MAST3: variants seen among roughly 807,000 people sequenced by gnomAD.
MAST3 encodes the protein microtubule associated serine/threonine kinase 3.
Under a neutral mutation model 127.0 loss-of-function variants are expected in MAST3, and 43 were observed. That is an observed-to-expected ratio of 0.34 (90% CI 0.27 to 0.44). MAST3 has a LOEUF of 0.44. Among genes scored for constraint, MAST3 ranks in the 20% least tolerant of loss-of-function variants. MAST3 has a pLI of 1.00. For synonymous variants in MAST3, 785 were observed against 809.2 expected, an observed-to-expected ratio of 0.97 and a Z score of 0.51; for missense variants, 1,390 against 1,919.1, an observed-to-expected ratio of 0.72 and a Z score of 5.15.
chr19:18,109,657 G>C (rs1007633163), intron 2 of MAST3, among the ~76,000 whole-genome samples: 1 of 152,160 alleles, frequency 6.6e-6, no homozygotes, highest in Admixed American at 6.5e-5. Flanking sequence ...TGCAGGTACA[G>C]CTTGGCGGAG....
At chr19:18,115,162 T>C (rs2039081045) in intron 3 of MAST3, among the ~76,000 whole-genome samples, 1 of 152,096 alleles carries the variant, frequency 6.6e-6, no homozygotes, top group Non-Finnish European at 1.5e-5. Flanking sequence ...GGGCATGATC[T>C]GGGGAGCAGT....
rs867332129 is a variant in MAST3 at position 18,151,420 on chromosome 19, T to A, written c.*1694T>A. On this transcript the variant is annotated 3_prime_UTR_variant, in exon 28 of 28. Coordinates refer to ENST00000687212, the MANE Select transcript of MAST3 (RefSeq NM_001393504.1). ...AGAACGGAGCATCAGCCAGACCCTG[T>A]TGTGGGCGTTGTCATCAAGGGAGCT... is the stretch of plus-strand genomic sequence containing the variant. 1 of 152,336 alleles carries A rather than the reference T, an allele frequency of 6.6e-6. No homozygotes were observed. Among genetic ancestry groups the A allele is most frequent in the South Asian group, 2.1e-4 (1 of 4,828 alleles). 9.4% of individuals were successfully genotyped at this position (152,336 alleles called of 1,614,324 possible).
chr19:18,097,857 A>G (rs1054931298), intron 1 of MAST3, 26 bp downstream of exon 1: 4 of 1,225,806 alleles, frequency 3.3e-6, no homozygotes, highest in Non-Finnish European at 4.1e-6. Flanking sequence ...GGGCGGGCGG[A>G]AGGCAGAGGG....
chr19:18,149,321 T>C lies in MAST3; in HGVS notation c.3639T>C (p.Thr1213=), dbSNP rs1181783182. 1 of 1,526,784 alleles carries C rather than the reference T, an allele frequency of 6.5e-7. No individual in the cohort carries two copies. The highest frequency in any genetic ancestry group is 8.8e-7 in the Non-Finnish European group (1 of 1,138,820). 94.6% of individuals were successfully genotyped at this position (1,526,784 alleles called of 1,614,324 possible). A position where few individuals can be genotyped will look rare whatever the true frequency, so the allele number is the denominator to read the frequency against. ...AAKLGPPRPK[T]GRRKSTSSIP... ...AGCTTGGGCCACCCCGCCCCAAGAC[T>C]GGCCGCCGCAAGTCCACCAGCAGCA... Residue 1213 remains threonine, a synonymous_variant, in exon 28 of 28, where the codon ACT becomes ACC. Coordinates refer to ENST00000687212, the MANE Select transcript of MAST3 (RefSeq NM_001393504.1). This position sits in a 1 kb window ranked among gnomAD's most constrained non-coding sequence, Gnocchi z 5.9.
intron 1 of MAST3, among the ~76,000 whole-genome samples, chr19:18,100,730 TGTC>T: frequency 6.6e-6 from 1 of 152,300 alleles, no homozygotes; most frequent in Middle Eastern, 3.4e-3. Context: ...GTGAAGGTGT[TGTC>T]TTCATCAGCC....
At chr19:18,128,480 A>AC (rs749657136) in intron 12 of MAST3, 22 bp downstream of exon 12, 142 of 1,550,024 alleles carry the variant, frequency 9.2e-5, no homozygotes, top group Non-Finnish European at 1.2e-4. Context: ...AGGCTGGGGG[A>AC]CCCCCGCTCA....
At chr19:18,107,063 G>T (rs4808114) in intron 1 of MAST3, among the ~76,000 whole-genome samples, 1 of 138,734 alleles carries the variant, frequency 7.2e-6, no homozygotes, top group Non-Finnish European at 1.5e-5. Flanking sequence ...TGATCCATCC[G>T]CCTTGGCCTC....
chr19:18,120,593 A>G (rs770014735), intron 3 of MAST3, among the ~76,000 whole-genome samples: 5 of 152,212 alleles, frequency 3.3e-5, no homozygotes, highest in Non-Finnish European at 5.9e-5. Flanking sequence ...CTGGAATGCA[A>G]TGGCACTATC....
intron 3 of MAST3, among the ~76,000 whole-genome samples, chr19:18,118,735 C>G (rs1307267254): frequency 6.6e-6 from 1 of 152,194 alleles, no homozygotes; most frequent in Non-Finnish European, 1.5e-5. Flanking sequence ...TCAGTTTCCC[C>G]TTTTGAAAAG....
rs11086092 is a variant in MAST3 at position 18,144,783 on chromosome 19, A to G, written c.2812+90A>G. On this transcript the variant is annotated intron_variant, in intron 23 of 27. Coordinates refer to ENST00000687212, the MANE Select transcript of MAST3 (RefSeq NM_001393504.1). This position sits in a 1 kb window ranked among gnomAD's most constrained non-coding sequence, Gnocchi z 4.0. ...CCTTCCTGAGTTGGGGAGGCTGGGGATGAGCCCCAGAAGAGGGGAGGAGGA... is the reference window on the plus strand; with the variant it reads ...CCTTCCTGAGTTGGGGAGGCTGGGGGTGAGCCCCAGAAGAGGGGAGGAGGA... 184,652 of 1,395,838 alleles carry G rather than the reference A, an allele frequency of 0.13. 12,958 individuals are homozygous for G. Among genetic ancestry groups the G allele is most frequent in the Admixed American group, 0.15 (8,685 of 56,486 alleles). 86.5% of individuals were successfully genotyped at this position (1,395,838 alleles called of 1,614,324 possible). A position where few individuals can be genotyped will look rare whatever the true frequency, so the allele number is the denominator to read the frequency against.
Position 18,121,702 on chromosome 19 carries a change from G to T in MAST3, c.179G>T (p.Arg60Leu), listed in dbSNP as rs775889929. 1 of 1,613,850 alleles carries T rather than the reference G, an allele frequency of 6.2e-7. No homozygotes were observed. Residue 60 changes from arginine to leucine, a missense_variant, in exon 4 of 28, where the codon CGC becomes CTC. Physicochemically the swap from Arg to Leu is moderately radical, Grantham distance 102. Transcript: ENST00000687212. ...LHPWSCRSGN[R>L]KSLVVGTPSP... ...CCCCACAGCTGCCGCAGCGGGAACC[G>T]CAAGAGCTTGGTGGTAGGAACGCCC...
intron 1 of MAST3, among the ~76,000 whole-genome samples, chr19:18,101,129 TC>T (rs1273684552): frequency 6.6e-6 from 1 of 152,134 alleles, no homozygotes; most frequent in African/African-American, 2.4e-5. Flanking sequence ...ACTACTATTA[TC>T]TTATTACATT....
intron 3 of MAST3, chr19:18,117,951 A>G (rs2039470750): frequency 9.7e-6 from 2 of 205,720 alleles, no homozygotes; most frequent in African/African-American, 2.4e-5. Flanking sequence ...CCGCCTCCCG[A>G]CAGGCCCCGC....
In MAST3 at chr19:18,144,640, G is replaced by A. The variant is rs1467771073; in HGVS notation, c.2759G>A (p.Gly920Asp). 6.2e-7 allele frequency: 1 copy of A among 1,611,154 alleles called. No individual in the cohort carries two copies. Among genetic ancestry groups the A allele is most frequent in the African/African-American group, 1.3e-5 (1 of 75,068 alleles). ...SSGGSGGGSG[G>D]RVPKSASVSA... ...GGTGGCAGTGGTGGCGGCAGTGGGG[G>A]CCGCGTGCCCAAGTCAGCCTCTGTC... The change falls in exon 23 of 28, where the codon GGC (glycine) becomes GAC (aspartate). Residue 920 changes from glycine to aspartate, a missense_variant. Transcript: ENST00000687212. This position sits in a 1 kb window ranked among gnomAD's most constrained non-coding sequence, Gnocchi z 4.0.
chr19:18,122,238 C>A, intron 5 of MAST3: 2 of 588,002 alleles, frequency 3.4e-6, no homozygotes, highest in Non-Finnish European at 4.3e-6. Flanking sequence ...GCTGATTGAG[C>A]ACCTGTCATG....
intron 3 of MAST3, among the ~76,000 whole-genome samples, chr19:18,120,622 C>T (rs534629226): frequency 1.2e-3 from 183 of 152,322 alleles, no homozygotes; most frequent in Non-Finnish European, 2.0e-3. Context: ...CTGCAACCTC[C>T]GCCTCCTGGG....
rs2042977857 is a variant in MAST3 at position 18,145,971 on chromosome 19, T to C, written c.3162+106T>C. ...TCCAGACACACAACCCCACATTCAA[T>C]GTCAACTCCAGGCCTGGCACATCCA... On this transcript the variant is annotated intron_variant, in intron 25 of 27. Coordinates refer to ENST00000687212, the MANE Select transcript of MAST3 (RefSeq NM_001393504.1). This position sits in a 1 kb window ranked among gnomAD's most constrained non-coding sequence, Gnocchi z 5.9. 7.4e-7 allele frequency: 1 copy of C among 1,355,632 alleles called. No individual in the cohort carries two copies. The highest frequency in any genetic ancestry group is 1.4e-5 in the South Asian group (1 of 69,102). 84.0% of individuals were successfully genotyped at this position (1,355,632 alleles called of 1,614,324 possible).
chr19:18,124,942 A>ACCC (rs2040429447), intron 11 of MAST3, among the ~76,000 whole-genome samples, 168 bp downstream of exon 11: 1 of 40,052 alleles, frequency 2.5e-5, no homozygotes, highest in South Asian at 9.0e-4. Context: ...CCCCCCCCCT[A>ACCC]CTAAAAATAC....
chr19:18,099,293 C>A lies in MAST3; in HGVS notation c.39+1462C>A, dbSNP rs1030952385. 6.9e-5 allele frequency among the ~76,000 whole-genome samples: 9 copies of A among 130,760 alleles called. No individual in the cohort carries two copies. In the East Asian group the frequency reaches 1.9e-3, roughly 27 times the overall value. 85.8% of individuals were successfully genotyped at this position (130,760 alleles called of 152,430 possible). On this transcript the variant is annotated intron_variant, in intron 1 of 27. Coordinates refer to ENST00000687212, the MANE Select transcript of MAST3 (RefSeq NM_001393504.1). ...CGCGGGGGTGGGGCAGAACTGGAGG[C>A]GCTGAGGCCAGAGGCAAGAGTGGGG... is the stretch of plus-strand genomic sequence containing the variant.
Sources: gnomAD v4.1 joint callset for allele counts (sites outside exome capture counted in the v4.1 genomes callset) on GRCh38, gnomAD v4.1.1 for gene constraint, Gnocchi (gnomAD v3.1) non-coding constraint, MANE v1.5 for transcripts, NCBI Gene and HGNC (gene_info 2026-07-23, HGNC 2026-07-21) for gene names.